Variants in PCDH11X observed in about 807,000 individuals in gnomAD.
The protein encoded by PCDH11X is protocadherin 11 X-linked.
A neutral mutation model predicts 53.3 loss-of-function variants in PCDH11X; 18 were observed. The ratio of observed to expected loss-of-function variants is 0.34; its 90% CI spans 0.23 to 0.50. The LOEUF (loss-of-function observed/expected upper bound fraction) is 0.50. PCDH11X is among the 20% of genes least tolerant of loss of function. The pLI, the probability that PCDH11X is intolerant of heterozygous loss-of-function variation, is 0.98. For missense variants in PCDH11X, 570 were observed against 1,032.4 expected, an observed-to-expected ratio of 0.55 and a Z score of 6.14; for synonymous variants, 279 against 393.3, an observed-to-expected ratio of 0.71 and a Z score of 3.44.
rs773445195 is a variant in PCDH11X, at chrX:91,959,085, A to G, written c.3033+79812A>G. 1.1e-3 allele frequency among the ~76,000 whole-genome samples: 122 copies of G among 108,026 alleles called. 1 individual carries two copies. The highest frequency in any genetic ancestry group is 2.0e-3 in the Non-Finnish European group (102 of 52,184). 93.8% of individuals were successfully genotyped at this position (108,026 alleles called of 115,157 possible). ...GCCTGATTCCTTTCTCTCTGAAATC[A>G]TTTAGAGAAGTTAAACTTAATTTTA... On this transcript the variant is annotated intron_variant, in intron 6 of 10. Transcript: ENST00000682573.
In PCDH11X at chrX:91,957,531, A is replaced by G. The variant is rs2525350; in HGVS notation, c.3033+78258A>G. Among the ~76,000 whole-genome samples, 521 of 105,531 alleles carry G rather than the reference A, an allele frequency of 4.9e-3. 5 individuals are homozygous for G. The highest frequency in any genetic ancestry group is 0.018 in the African/African-American group (487 of 27,386). The allele number at this position is 105,531 out of a possible 115,157, so 91.6% of individuals were successfully genotyped here. Reference sequence around the variant, plus strand: ...GCTACTTTACTGTATGGCTGCTGCAATTTGCTGGGGGTCTGCTTTAGACCC... The same window carrying G: ...GCTACTTTACTGTATGGCTGCTGCAGTTTGCTGGGGGTCTGCTTTAGACCC... On this transcript the variant is annotated intron_variant, in intron 6 of 10. Transcript: ENST00000682573.
intron 6 of PCDH11X, among the ~76,000 whole-genome samples, chrX:91,903,044 G>T (rs1941012331): frequency 3.6e-5 from 4 of 111,476 alleles, no homozygotes; most frequent in Admixed American, 1.9e-4. Context: ...TGGGGAAAAT[G>T]GAGCTCAGGA....
intron 7 of PCDH11X, among the ~76,000 whole-genome samples, chrX:92,233,808 T>G (rs2067124690): frequency 8.9e-6 from 1 of 112,251 alleles, no homozygotes; most frequent in Admixed American, 9.5e-5. Context: ...CAAGAATAGT[T>G]GTGTTTCAAT....
At chrX:92,074,082 T>A (rs1216832673) in intron 6 of PCDH11X, among the ~76,000 whole-genome samples, 2 of 111,681 alleles carry the variant, frequency 1.8e-5, no homozygotes, top group Non-Finnish European at 3.8e-5. Flanking sequence ...TATAAATGCA[T>A]GATTTTATAA....
At chrX:92,202,505 A>G (rs1041725682) in intron 7 of PCDH11X, among the ~76,000 whole-genome samples, 1 of 110,844 alleles carries the variant, frequency 9.0e-6, no homozygotes, top group South Asian at 3.9e-4. Flanking sequence ...CCATCACCTG[A>G]TGGTCACCTG....
intron 6 of PCDH11X, among the ~76,000 whole-genome samples, chrX:91,895,165 T>C: frequency 8.9e-6 from 1 of 111,862 alleles, no homozygotes; most frequent in East Asian, 2.8e-4. Context: ...TGTGGTATAC[T>C]TCAGTCAAAT....
At chrX:92,473,860 A>G (rs2750765) in intron 10 of PCDH11X, among the ~76,000 whole-genome samples, 5 of 111,747 alleles carry the variant, frequency 4.5e-5, no homozygotes, top group South Asian at 7.4e-4. Flanking sequence ...TGTTTTTTGA[A>G]CTAACATATG....
At chrX:92,572,987 T>G (rs1028425500) in intron 10 of PCDH11X, among the ~76,000 whole-genome samples, 3 of 110,835 alleles carry the variant, frequency 2.7e-5, no homozygotes, top group Non-Finnish European at 5.7e-5. Flanking sequence ...TGTGATGAAA[T>G]TCTGAAAAAT....
chrX:92,519,607 G>A (rs774112177), intron 10 of PCDH11X, among the ~76,000 whole-genome samples: 20 of 110,433 alleles, frequency 1.8e-4, no homozygotes, highest in South Asian at 3.9e-4. Flanking sequence ...TCATAGTGAC[G>A]TCGTATTCTT....
At position 91,868,576 on chromosome X, in the gene PCDH11X, C is replaced by T. The variant is rs180811711; in HGVS notation, c.541-8205C>T. On this transcript the variant is annotated intron_variant, in intron 5 of 10. Transcript: ENST00000682573. ...AAAAGATAAAACACCTTCATATGAT[C>T]TTAAATTTTTAGCACTATTTTCCCT... is the stretch of plus-strand genomic sequence containing the variant. 6.4e-4 allele frequency among the ~76,000 whole-genome samples: 72 copies of T among 111,669 alleles called. 1 individual carries two copies. Among genetic ancestry groups the T allele is most frequent in the Non-Finnish European group, 2.5e-4 (13 of 53,048 alleles).
At chrX:92,264,068 T>C (rs929851889) in intron 8 of PCDH11X, among the ~76,000 whole-genome samples, 1 of 112,081 alleles carries the variant, frequency 8.9e-6, no homozygotes, top group Non-Finnish European at 1.9e-5. Context: ...ATCTTAAAGA[T>C]GAATTATCTT....
intron 10 of PCDH11X, among the ~76,000 whole-genome samples, chrX:92,527,101 A>T (rs774384176): frequency 9.0e-6 from 1 of 111,615 alleles, no homozygotes; most frequent in East Asian, 2.8e-4. Context: ...AAGTTGAAGG[A>T]TGGTTACCAG....
chrX:92,097,540 T>C (rs1238954220), intron 6 of PCDH11X, among the ~76,000 whole-genome samples: 2 of 110,940 alleles, frequency 1.8e-5, no homozygotes, highest in Non-Finnish European at 3.8e-5. Flanking sequence ...AGTCTTTGCA[T>C]CTCTAATGAT....
At chrX:92,003,410 T>A (rs769399260) in intron 6 of PCDH11X, among the ~76,000 whole-genome samples, 1 of 111,172 alleles carries the variant, frequency 9.0e-6, no homozygotes, top group East Asian at 2.8e-4. Context: ...AATTTGGCAT[T>A]ACTCCCTCCC....
At chrX:92,232,929 A>G (rs934258105) in intron 7 of PCDH11X, among the ~76,000 whole-genome samples, 2 of 110,892 alleles carry the variant, frequency 1.8e-5, no homozygotes, top group Non-Finnish European at 3.8e-5. Context: ...GTTAGCCAGG[A>G]TGGTCTCCAT....
chrX:92,417,855 T>C (rs1291292604), intron 9 of PCDH11X, among the ~76,000 whole-genome samples: 4 of 89,276 alleles, frequency 4.5e-5, no homozygotes, highest in Non-Finnish European at 8.7e-5. Flanking sequence ...TCCTCTCTTA[T>C]GCAAAAGCCT....
chrX:92,589,893 CG>C (rs1924840062), intron 10 of PCDH11X, among the ~76,000 whole-genome samples: 1 of 111,597 alleles, frequency 9.0e-6, no homozygotes, highest in Admixed American at 9.5e-5. Context: ...GGAGAGGAGC[CG>C]AGTCCTGCTG....
chrX:91,861,213 T>C (rs1197109477), intron 5 of PCDH11X, among the ~76,000 whole-genome samples: 1 of 111,983 alleles, frequency 8.9e-6, no homozygotes, highest in African/African-American at 3.2e-5. Context: ...TGGGAGGGTG[T>C]ATATTTCCAG....
At chrX:92,604,769 A>T (rs1291322980) in intron 10 of PCDH11X, among the ~76,000 whole-genome samples, 18 of 109,659 alleles carry the variant, frequency 1.6e-4, no homozygotes, top group Middle Eastern at 4.7e-3. Flanking sequence ...AGTAAGAATC[A>T]TGAGAAAGCT....
Sources: gnomAD v4.1 joint callset for allele counts (sites outside exome capture counted in the v4.1 genomes callset) on GRCh38, gnomAD v4.1.1 for gene constraint, MANE v1.5 for transcripts, NCBI Gene and HGNC (gene_info 2026-07-23, HGNC 2026-07-21) for gene names.